Variants in DAB1 observed in about 807,000 individuals in gnomAD.
DAB1 encodes the protein DAB adaptor protein 1, also known as disabled homolog 1.
DAB1 carries 15 observed loss-of-function variants against 64.6 expected under a neutral mutation model. The ratio of observed to expected loss-of-function variants is 0.23; its 90% CI spans 0.16 to 0.36. The LOEUF (loss-of-function observed/expected upper bound fraction) is 0.36, where lower values mean the gene tolerates loss of function less well. Among genes scored for constraint, DAB1 ranks in the 10% least tolerant of loss-of-function variants. DAB1 has a pLI of 1.00. For synonymous variants in DAB1, 235 were observed against 251.9 expected, an observed-to-expected ratio of 0.93 and a Z score of 0.64; for missense variants, 596 against 706.7, an observed-to-expected ratio of 0.84 and a Z score of 1.78.
chr1:58,242,577 T>A (rs1290240676), intron 4 of DAB1, among the ~76,000 whole-genome samples: 2 of 152,192 alleles, frequency 1.3e-5, no homozygotes, highest in Non-Finnish European at 2.9e-5. Flanking sequence ...GAAGTGGTTT[T>A]TACTAACCTT....
chr1:57,613,447 T>A (rs776495872), intron 7 of DAB1, among the ~76,000 whole-genome samples: 1 of 152,092 alleles, frequency 6.6e-6, no homozygotes, highest in Non-Finnish European at 1.5e-5. Flanking sequence ...GTGCACCCCA[T>A]GTATAAAAGC....
At chr1:58,094,953 A>T (rs1650892071) in intron 5 of DAB1, among the ~76,000 whole-genome samples, 1 of 152,206 alleles carries the variant, frequency 6.6e-6, no homozygotes, top group South Asian at 2.1e-4. Flanking sequence ...AAGGTTGGCA[A>T]ACTTTTTCTG....
intron 4 of DAB1, among the ~76,000 whole-genome samples, chr1:58,249,674 CAG>C (rs1455907050): frequency 6.6e-6 from 1 of 152,162 alleles, no homozygotes; most frequent in Admixed American, 6.5e-5. Flanking sequence ...CCCAGCCAGC[CAG>C]AGTCCAGTCG....
At chr1:57,160,637 G>C (rs1660655556) in intron 2 of DAB1, among the ~76,000 whole-genome samples, 1 of 152,172 alleles carries the variant, frequency 6.6e-6, no homozygotes, top group Non-Finnish European at 1.5e-5. Flanking sequence ...CAGCAGGAAA[G>C]CTGGATCTAC....
chr1:57,474,883 G>C (rs1643915163), intron 7 of DAB1, among the ~76,000 whole-genome samples: 1 of 152,114 alleles, frequency 6.6e-6, no homozygotes, highest in Non-Finnish European at 1.5e-5. Flanking sequence ...GGAAATGTTG[G>C]GGTAGTAAGA....
At chr1:57,482,149 T>C (rs1243375008) in intron 7 of DAB1, among the ~76,000 whole-genome samples, 1 of 152,048 alleles carries the variant, frequency 6.6e-6, no homozygotes, top group South Asian at 2.1e-4. Flanking sequence ...ATATTACTTT[T>C]TCCCCTTCAG....
intron 1 of DAB1, among the ~76,000 whole-genome samples, chr1:57,303,705 G>C (rs1673874531): frequency 6.6e-6 from 1 of 152,094 alleles, no homozygotes. Context: ...AGGGGAAAGA[G>C]AGAGATCATT....
intron 7 of DAB1, among the ~76,000 whole-genome samples, chr1:57,484,946 A>G (rs1021984765): frequency 6.6e-6 from 1 of 152,244 alleles, no homozygotes; most frequent in South Asian, 2.1e-4. Context: ...TAAAGCGGGT[A>G]TTGACAACTG....
intron 5 of DAB1, among the ~76,000 whole-genome samples, chr1:57,936,725 G>C (rs904602549): frequency 6.6e-6 from 1 of 151,824 alleles, no homozygotes; most frequent in Non-Finnish European, 1.5e-5. Flanking sequence ...TCGCACTGTT[G>C]TTTAAAATAG....
chr1:57,449,181 T>G (rs895378423), intron 7 of DAB1, among the ~76,000 whole-genome samples: 2 of 152,156 alleles, frequency 1.3e-5, no homozygotes, highest in Non-Finnish European at 2.9e-5. Context: ...AGGAGAAATG[T>G]GTAAATCTAA....
intron 2 of DAB1, among the ~76,000 whole-genome samples, chr1:58,508,419 G>T (rs1260920958): frequency 6.6e-6 from 1 of 152,152 alleles, no homozygotes; most frequent in African/African-American, 2.4e-5. Flanking sequence ...AATTCCCTTT[G>T]TGAGAAATCC....
At chr1:57,478,586 CTTTTTTTTT>C (rs35538831) in intron 7 of DAB1, among the ~76,000 whole-genome samples, 1 of 81,216 alleles carries the variant, frequency 1.2e-5, no homozygotes, top group Admixed American at 1.4e-4. Flanking sequence ...TATTCCCATT[CTTTTTTTTT>C]TTTTTTTTTT....
intron 7 of DAB1, among the ~76,000 whole-genome samples, chr1:57,476,128 A>G (rs1489123098): frequency 6.6e-6 from 1 of 151,282 alleles, no homozygotes; most frequent in East Asian, 2.0e-4. Context: ...CAGAAGGCTG[A>G]GGCAGGAGAA....
intron 9 of DAB1, among the ~76,000 whole-genome samples, chr1:57,058,228 T>C (rs1407796148): frequency 6.6e-6 from 1 of 152,118 alleles, no homozygotes; most frequent in Admixed American, 6.5e-5. Context: ...CACATATTTA[T>C]GGAGGCTGCA....
chr1:58,151,087 T>A (rs1654906535), intron 4 of DAB1, among the ~76,000 whole-genome samples: 2 of 152,248 alleles, frequency 1.3e-5, no homozygotes, highest in African/African-American at 4.8e-5. Flanking sequence ...TAATCCGGTC[T>A]ATCATTGATG....
chr1:58,132,318 C>A (rs538634459), intron 5 of DAB1, among the ~76,000 whole-genome samples: 1 of 152,172 alleles, frequency 6.6e-6, no homozygotes, highest in African/African-American at 2.4e-5. Flanking sequence ...TGCTTCAGCT[C>A]GCGCACGGTG....
intron 1 of DAB1, among the ~76,000 whole-genome samples, chr1:57,385,362 C>T (rs982938378): frequency 6.6e-6 from 1 of 152,150 alleles, no homozygotes. Flanking sequence ...CATGTGTTAG[C>T]CTGTGTAAAG....
chr1:57,944,116 G>A (rs1645145947), intron 5 of DAB1, among the ~76,000 whole-genome samples: 1 of 152,164 alleles, frequency 6.6e-6, no homozygotes, highest in African/African-American at 2.4e-5. Flanking sequence ...GGCACTCAGA[G>A]TTCTTCATAA....
At chr1:58,509,529 C>A (rs1569917189) in intron 2 of DAB1, among the ~76,000 whole-genome samples, 2 of 136,592 alleles carry the variant, frequency 1.5e-5, no homozygotes, top group African/African-American at 2.7e-5. Flanking sequence ...ATGATAAACA[C>A]CTACATTAAA....
Sources: gnomAD v4.1 joint callset for allele counts (sites outside exome capture counted in the v4.1 genomes callset) on GRCh38, gnomAD v4.1.1 for gene constraint, MANE v1.5 for transcripts, NCBI Gene and HGNC (gene_info 2026-07-23, HGNC 2026-07-21) for gene names.